Variants in HEATR1 observed in about 807,000 individuals in gnomAD.
HEATR1 encodes the protein HEAT repeat-containing protein 1.
Under a neutral mutation model 248.2 loss-of-function variants are expected in HEATR1, and 77 were observed. The observed-to-expected ratio is 0.31, with a 90% confidence interval of 0.26 to 0.37. The LOEUF (loss-of-function observed/expected upper bound fraction) is 0.37. Among genes scored for constraint, HEATR1 ranks in the 10% least tolerant of loss-of-function variants. The pLI is 1.00. For missense variants in HEATR1, 2,420 were observed against 2,504.9 expected (o/e 0.97, Z 0.72); for synonymous variants, 897 against 923.1 (o/e 0.97, Z 0.51).
chr1:236,579,666 A>G (rs955847795), intron 20 of HEATR1, among the ~76,000 whole-genome samples: 1 of 152,208 alleles, frequency 6.6e-6, no homozygotes, highest in Non-Finnish European at 1.5e-5. Flanking sequence ...ATATAACTAG[A>G]AAAACCTTAA....
rs990488943 is a variant in HEATR1, at chr1:236,566,585, A to G, written c.4308+61T>C. The G allele has an allele frequency of 8.2e-6, 10 of 1,216,858 alleles. No individual in the cohort carries two copies. The African/African-American group carries it at 9.0e-5, about 11-fold the overall frequency. 75.4% of individuals were successfully genotyped at this position (1,216,858 alleles called of 1,614,324 possible). On this transcript the variant is annotated intron_variant, in intron 30 of 44. Coordinates refer to ENST00000366582, the MANE Select transcript of HEATR1 (RefSeq NM_018072.6). Reference sequence around the variant, plus strand: ...ATCAGCCCCATGTTTAAACTGGACAATATCATAAAATCTGTGTGAGAAATC... The same window carrying G: ...ATCAGCCCCATGTTTAAACTGGACAGTATCATAAAATCTGTGTGAGAAATC...
At position 236,574,272 on chromosome 1, in the gene HEATR1, A is replaced by ATTC; in HGVS notation, c.3386_3388dup (p.Arg1129dup). On this transcript the variant is annotated inframe_insertion, in exon 24 of 45. Transcript: ENST00000366582. Reference sequence around the variant, plus strand: ...ACAGTTCACCAATAAATCAAACAACATTCTTAAAAGCTTCTGCTGAACTTT... The same window carrying ATTC: ...ACAGTTCACCAATAAATCAAACAACATTCTTCTTAAAAGCTTCTGCTGAACTTT... 6.2e-7 allele frequency: 1 copy of ATTC among 1,613,004 alleles called. No individual in the cohort carries two copies. The highest frequency in any genetic ancestry group is 8.5e-7 in the Non-Finnish European group (1 of 1,179,488).
rs184767933 is a variant in HEATR1 at position 236,559,603 on chromosome 1, T to A, written c.4770+111A>T. 2.4e-5 allele frequency: 31 copies of A among 1,287,250 alleles called. No individual in the cohort carries two copies. The African/African-American group carries it at 4.1e-4, about 17-fold the overall frequency. 79.7% of individuals were successfully genotyped at this position (1,287,250 alleles called of 1,614,324 possible). On this transcript the variant is annotated intron_variant, in intron 34 of 44. Transcript: ENST00000366582. ...TTTTCTAAGAAAAATCTGAGCTTCA[T>A]TATATTCATAAAAGGAATTGCTAAG...
intron 11 of HEATR1, among the ~76,000 whole-genome samples, chr1:236,591,268 C>A (rs1358019569): frequency 6.6e-6 from 1 of 150,390 alleles, no homozygotes; most frequent in Non-Finnish European, 1.5e-5. Context: ...AGATAAATCC[C>A]TGTTTTAGCA....
At position 236,558,324 on chromosome 1, in the gene HEATR1, T is replaced by C. The variant is rs771356015; in HGVS notation, c.5117A>G (p.Glu1706Gly). 2 of 1,614,188 alleles carry C rather than the reference T, an allele frequency of 1.2e-6. No homozygotes were observed. The highest frequency in any genetic ancestry group is 1.1e-5 in the South Asian group (1 of 91,084). The change falls in exon 36 of 45, where the codon GAG becomes GGG. Residue 1706 changes from glutamate (E) to glycine (G), a missense_variant. Transcript: ENST00000366582. ...AVKLIAPERK[E>G]EKNVLGSALL... ...CGCGCTTCCCAGGACATTCTTCTCC[T>C]CCTTTCTCTCTGGAGCAATCAGTTT...
intron 19 of HEATR1, among the ~76,000 whole-genome samples, chr1:236,581,875 G>A (rs1226593131): frequency 6.6e-6 from 1 of 152,108 alleles, no homozygotes; most frequent in Non-Finnish European, 1.5e-5. Flanking sequence ...ATTTTTAAAT[G>A]GTATTAACCA....
At chr1:236,582,712 G>T in intron 19 of HEATR1, 24 bp downstream of exon 19, 1 of 1,612,672 alleles carries the variant, frequency 6.2e-7, no homozygotes, top group Non-Finnish European at 8.5e-7. Context: ...GGTAGAGTAC[G>T]CCTGAAAAGG....
At chr1:236,572,636 A>C (rs1341005795) in intron 25 of HEATR1, 82 bp from the exon 26 acceptor site, 2 of 1,599,956 alleles carry the variant, frequency 1.3e-6, no homozygotes, top group East Asian at 4.5e-5. Flanking sequence ...GATTATAGCA[A>C]ATTGATGAGT....
chr1:236,566,110 T>A, intron 30 of HEATR1, 65 bp from the exon 31 acceptor site: 1 of 1,494,280 alleles, frequency 6.7e-7, no homozygotes, highest in Non-Finnish European at 9.1e-7. Flanking sequence ...AATTTCAGGA[T>A]AATGTGCGTT....
At chr1:236,580,675 C>CCCAGCT (rs1414038527) in intron 20 of HEATR1, among the ~76,000 whole-genome samples, 2 of 151,978 alleles carry the variant, frequency 1.3e-5, no homozygotes, top group African/African-American at 4.8e-5. Context: ...CACCATCACG[C>CCCAGCT]CCAGCTAATT....
chr1:236,564,590 C>G lies in HEATR1; in HGVS notation c.4507G>C (p.Glu1503Gln). 2 of 1,613,886 alleles carry G rather than the reference C, an allele frequency of 1.2e-6. No individual in the cohort carries two copies. The highest frequency in any genetic ancestry group is 1.7e-6 in the Non-Finnish European group (2 of 1,179,978). ...QEEMLQVFNV[E>Q]THTSKQLRHF... ...CGCAGTTGCTTGCTAGTGTGAGTCT[C>G]TACATTAAAAACCTGTAGCATTTCT... Residue 1503 changes from glutamate (E) to glutamine (Q), a missense_variant, in exon 32 of 45, where the codon GAG (glutamate) becomes CAG (glutamine). By Grantham distance (29) the Glu-to-Gln change is conservative (BLOSUM62 2). Transcript: ENST00000366582.
At position 236,569,029 on chromosome 1, in the gene HEATR1, CTTG is replaced by C; in HGVS notation, c.4041_4043del (p.Asn1347del). The C allele has an allele frequency of 6.2e-7, 1 of 1,609,346 alleles. No homozygotes were observed. Among genetic ancestry groups the C allele is most frequent in the Non-Finnish European group, 8.5e-7 (1 of 1,178,278 alleles). ...GTGCGGGAATAACCATTTTCACTGT[CTTG>C]TTAATAACTTGAAAACTGTAAGTAT... On this transcript the variant is annotated inframe_deletion, in exon 29 of 45. Coordinates refer to ENST00000366582, the MANE Select transcript of HEATR1 (RefSeq NM_018072.6).
At chr1:236,565,343 G>C (rs932834374) in intron 31 of HEATR1, among the ~76,000 whole-genome samples, 9 of 152,110 alleles carry the variant, frequency 5.9e-5, no homozygotes, top group Non-Finnish European at 7.4e-5. Flanking sequence ...TTTTTTTAGA[G>C]ATGGCGTCTT....
intron 22 of HEATR1, 107 bp from the exon 23 acceptor site, chr1:236,575,010 G>C: frequency 9.5e-7 from 1 of 1,056,124 alleles, no homozygotes; most frequent in Middle Eastern, 2.8e-4. Context: ...TTAGCCTGGA[G>C]GAAAAAACCC....
At chr1:236,577,841 C>T (rs189522114) in intron 20 of HEATR1, among the ~76,000 whole-genome samples, 5 of 152,132 alleles carry the variant, frequency 3.3e-5, no homozygotes, top group East Asian at 1.9e-4. Context: ...TTTTAAAAAC[C>T]GGTACCTTAC....
chr1:236,596,175 CATAAACA>C (rs1304557094), intron 6 of HEATR1, 131 bp from the exon 7 acceptor site: 1 of 673,636 alleles, frequency 1.5e-6, no homozygotes, highest in Non-Finnish European at 2.5e-6. Context: ...ACTCTTCAGA[CATAAACA>C]ATAAAGGAGC....
Position 236,569,016 on chromosome 1 carries a change from C to G in HEATR1, c.4057G>C (p.Val1353Leu). 3 of 1,604,512 alleles carry G rather than the reference C, an allele frequency of 1.9e-6. No individual in the cohort carries two copies. Among genetic ancestry groups the G allele is most frequent in the Non-Finnish European group, 2.5e-6 (3 of 1,176,616 alleles). Residue 1353 changes from valine (V) to leucine (L), a missense_variant, in exon 29 of 45, where the codon GTT becomes CTT. Physicochemically the swap from Val to Leu is conservative, Grantham distance 32. Coordinates refer to ENST00000366582, the MANE Select transcript of HEATR1 (RefSeq NM_018072.6). The stretch of plus-strand genomic sequence containing the variant: ...CTTACCTGAATAAGTGCGGGAATAA[C>G]CATTTTCACTGTCTTGTTAATAACT... ...FQVINKTVKMVIPALIQSDSG... is the reference protein window; with the variant it reads ...FQVINKTVKMLIPALIQSDSG...
At chr1:236,562,841 C>G (rs1663167794) in intron 32 of HEATR1, among the ~76,000 whole-genome samples, 1 of 152,136 alleles carries the variant, frequency 6.6e-6, no homozygotes, top group African/African-American at 2.4e-5. Flanking sequence ...ATATTTTTGT[C>G]AGGCTTATTC....
intron 12 of HEATR1, among the ~76,000 whole-genome samples, chr1:236,590,165 T>C (rs1193367265): frequency 6.6e-6 from 1 of 152,186 alleles, no homozygotes; most frequent in Non-Finnish European, 1.5e-5. Flanking sequence ...GGAACAGTGT[T>C]CAAAAGTTAT....
Sources: allele counts gnomAD v4.1 joint callset (sites outside exome capture counted in the v4.1 genomes callset), GRCh38; gene constraint gnomAD v4.1.1; transcripts MANE v1.5; gene names NCBI Gene and HGNC (gene_info 2026-07-23, HGNC 2026-07-21).